The following STOX1 variants were observed in gnomAD, a reference collection of about 807,000 sequenced individuals.
STOX1 encodes storkhead box 1.
A neutral mutation model predicts 74.8 loss-of-function variants in STOX1; 57 were observed. That is an observed-to-expected ratio of 0.76 (90% CI 0.62 to 0.95). The LOEUF (loss-of-function observed/expected upper bound fraction) is 0.95, where lower values mean the gene tolerates loss of function less well. Ranked by LOEUF, STOX1 falls within the 40% of genes least tolerant of loss-of-function variation. STOX1 has a pLI of 0.00. For synonymous variants in STOX1, 375 were observed against 401.3 expected (o/e 0.93, Z 0.78); for missense variants, 1,010 against 1,117.0 (o/e 0.90, Z 1.37).
At chr10:68,879,128 C>T (rs1840748812) in intron 1 of STOX1, among the ~76,000 whole-genome samples, 1 of 152,154 alleles carries the variant, frequency 6.6e-6, no homozygotes, top group Non-Finnish European at 1.5e-5. Context: ...CCAGCTCTCA[C>T]CCTTTTCCAT....
At chr10:68,846,841 C>T (rs1002503281) in intron 1 of STOX1, 9 of 152,148 alleles carry the variant, frequency 5.9e-5, no homozygotes, top group South Asian at 2.1e-4. Context: ...AAAATTCAAA[C>T]GATATAGAGA....
chr10:68,881,923 A>T (rs777646973), intron 1 of STOX1, 35 bp from the exon 2 acceptor site: 71 of 1,612,768 alleles, frequency 4.4e-5, no homozygotes, highest in Non-Finnish European at 5.9e-5. Context: ...AAATTTATCA[A>T]CCCCCTCCCC....
At chr10:68,828,228 G>C in intron 1 of STOX1, 2 of 962,878 alleles carry the variant, frequency 2.1e-6, no homozygotes, top group East Asian at 4.0e-5. Flanking sequence ...TGGCGGCGCC[G>C]GGCCCTGCGG....
downstream of STOX1, among the ~76,000 whole-genome samples, chr10:68,893,501 T>A (rs1266322175): frequency 2.0e-5 from 3 of 152,204 alleles, no homozygotes; most frequent in Non-Finnish European, 2.9e-5. Context: ...CACTGCAACC[T>A]CTGCCTCCCA....
intron 1 of STOX1, among the ~76,000 whole-genome samples, chr10:68,837,965 G>A (rs1373849573): frequency 5.3e-5 from 8 of 151,558 alleles, no homozygotes; most frequent in African/African-American, 1.9e-4. Flanking sequence ...ATAGTTTTCA[G>A]TATGCCTGTC....
Position 68,886,452 on chromosome 10 carries a change from C to CA in STOX1, c.2657dup (p.Ser887GlufsTer33). On this transcript the variant is annotated frameshift_variant, in exon 3 of 4. Coordinates refer to ENST00000298596, the MANE Select transcript of STOX1 (RefSeq NM_152709.5). LOFTEE classifies it high-confidence loss of function. ...AGGAAAGAAGCCAGCTAGCTGGAGT[C>CA]AGAGTCCTCAGAATCAGGAAATGAG... 1 of 1,614,126 alleles carries CA rather than the reference C, an allele frequency of 6.2e-7. No individual in the cohort carries two copies. Among genetic ancestry groups the CA allele is most frequent in the Non-Finnish European group, 8.5e-7 (1 of 1,180,040 alleles).
rs551507717 is a variant in STOX1, at chr10:68,884,808, C to T, written c.1012C>T (p.Pro338Ser). Reference sequence around the variant, plus strand: ...ACACAGCAGTTTCTCTGCTCAGTTCCCACCTGAAGAATGGCCCGTCCGAGA... The same window carrying T: ...ACACAGCAGTTTCTCTGCTCAGTTCTCACCTGAAGAATGGCCCGTCCGAGA... ...TEHSSFSAQFPPEEWPVRDED... is the reference protein window; with the variant it reads ...TEHSSFSAQFSPEEWPVRDED... Residue 338 changes from proline to serine, a missense_variant, in exon 3 of 4, where the codon CCA (proline) becomes TCA (serine). Coordinates refer to ENST00000298596, the MANE Select transcript of STOX1 (RefSeq NM_152709.5). 62 of 1,614,140 alleles carry T rather than the reference C, an allele frequency of 3.8e-5. 2 individuals are homozygous for T. In the South Asian group the frequency reaches 6.0e-4, roughly 16 times the overall value.
intron 1 of STOX1, among the ~76,000 whole-genome samples, chr10:68,844,594 TCG>T (rs1027179421): frequency 2.0e-5 from 3 of 152,032 alleles, no homozygotes; most frequent in African/African-American, 4.8e-5. Context: ...CCACCATGCC[TCG>T]CCTGTATCTT....
chr10:68,852,018 C>T (rs1442111800), intron 1 of STOX1, among the ~76,000 whole-genome samples: 1 of 152,018 alleles, frequency 6.6e-6, no homozygotes, highest in Non-Finnish European at 1.5e-5. Context: ...CCTGTAATGC[C>T]AGCTACTTGG....
At chr10:68,843,329 G>C (rs1839743319) in intron 1 of STOX1, among the ~76,000 whole-genome samples, 1 of 152,160 alleles carries the variant, frequency 6.6e-6, no homozygotes, top group Non-Finnish European at 1.5e-5. Context: ...ACTGTACCTA[G>C]GTGAGATTTT....
Position 68,890,161 on chromosome 10 carries a change from A to G in STOX1, c.2823-2428A>G, listed in dbSNP as rs142537101. 1.6e-4 allele frequency among the ~76,000 whole-genome samples: 24 copies of G among 151,172 alleles called. No individual in the cohort carries two copies. In the East Asian group the frequency reaches 2.1e-3, roughly 13 times the overall value. On this transcript the variant is annotated intron_variant, in intron 3 of 3. Coordinates refer to ENST00000298596, the MANE Select transcript of STOX1 (RefSeq NM_152709.5). ...ATGTGGACTATATATATATGTAACT[A>G]TTATTTTCCTTTTTTTTTTTAAGAG...
intron 1 of STOX1, among the ~76,000 whole-genome samples, chr10:68,830,634 C>T (rs1204924695): frequency 3.9e-5 from 6 of 152,122 alleles, no homozygotes; most frequent in East Asian, 1.9e-4. Flanking sequence ...TGAGCTACCG[C>T]GCCTGACGAT....
chr10:68,876,863 G>A (rs1327281084), intron 1 of STOX1, among the ~76,000 whole-genome samples: 1 of 152,156 alleles, frequency 6.6e-6, no homozygotes, highest in East Asian at 1.9e-4. Context: ...ATCTATAAGT[G>A]GGATCTTCTG....
chr10:68,866,414 C>T (rs113556381), intron 1 of STOX1, among the ~76,000 whole-genome samples: 4,741 of 152,124 alleles, frequency 0.031, 97 homozygotes, highest in Non-Finnish European at 0.045. Context: ...GATGTTTATC[C>T]GTAATTTGAT....
chr10:68,866,768 G>T (rs1840415537), intron 1 of STOX1, among the ~76,000 whole-genome samples: 1 of 152,168 alleles, frequency 6.6e-6, no homozygotes, highest in East Asian at 1.9e-4. Context: ...ACAGTCTACT[G>T]CAGCATTACT....
intron 3 of STOX1, among the ~76,000 whole-genome samples, chr10:68,891,819 A>G (rs1192464837): frequency 5.4e-5 from 8 of 148,792 alleles, no homozygotes; most frequent in African/African-American, 1.9e-4. Flanking sequence ...AAAAAAGCAA[A>G]AATACTTTTT....
Position 68,841,057 on chromosome 10 carries a change from C to G in STOX1, c.310+13124C>G, listed in dbSNP as rs148642874. The stretch of plus-strand genomic sequence containing the variant: ...CTGCCACCAGAGTTCAAGCGATTCT[C>G]CTGCTTCAGCCTCCTGAGTAGCTGG... On this transcript the variant is annotated intron_variant, in intron 1 of 3. Coordinates refer to ENST00000298596, the MANE Select transcript of STOX1 (RefSeq NM_152709.5). 6.6e-3 allele frequency among the ~76,000 whole-genome samples: 1,005 copies of G among 152,070 alleles called. 15 individuals carry two copies. The highest frequency in any genetic ancestry group is 0.023 in the African/African-American group (958 of 41,476).
chr10:68,833,231 G>A (rs1161405223), intron 1 of STOX1, among the ~76,000 whole-genome samples: 2 of 151,948 alleles, frequency 1.3e-5, no homozygotes, highest in African/African-American at 2.4e-5. Flanking sequence ...GACTATAGGC[G>A]CGTGCCAGCA....
chr10:68,870,568 C>T (rs935123938), intron 1 of STOX1, among the ~76,000 whole-genome samples: 5 of 152,102 alleles, frequency 3.3e-5, no homozygotes, highest in Admixed American at 3.3e-4. Flanking sequence ...AGGTTATGGA[C>T]ATTAAATTAG....
Sources: gnomAD v4.1 joint callset for allele counts (sites outside exome capture counted in the v4.1 genomes callset) on GRCh38, gnomAD v4.1.1 for gene constraint, MANE v1.5 for transcripts, NCBI Gene and HGNC (gene_info 2026-07-23, HGNC 2026-07-21) for gene names.